CLSTN2: variants seen among roughly 807,000 people sequenced by gnomAD.
CLSTN2 encodes calsyntenin 2.
In CLSTN2, 48 loss-of-function variants were observed where a neutral mutation model predicts 101.2. The ratio of observed to expected loss-of-function variants is 0.47; its 90% CI spans 0.38 to 0.60. The LOEUF (loss-of-function observed/expected upper bound fraction) is 0.60. Ranked by LOEUF, CLSTN2 falls within the 20% of genes least tolerant of loss-of-function variation. The pLI, the probability that CLSTN2 is intolerant of heterozygous loss-of-function variation, is 0.00. For synonymous variants in CLSTN2, 481 were observed against 463.6 expected (o/e 1.04, Z -0.48); for missense variants, 1,160 against 1,238.2 (o/e 0.94, Z 0.95).
At chr3:139,940,149 G>T (rs1353779801) in intron 1 of CLSTN2, among the ~76,000 whole-genome samples, 1 of 152,204 alleles carries the variant, frequency 6.6e-6, no homozygotes, top group Non-Finnish European at 1.5e-5. Context: ...GGTATCTCCA[G>T]AGCCTTGCCT....
At chr3:140,429,656 A>G (rs140233793) in intron 5 of CLSTN2, among the ~76,000 whole-genome samples, 320 of 152,282 alleles carry the variant, frequency 2.1e-3, no homozygotes, top group African/African-American at 7.3e-3. Context: ...TCGGCAAACC[A>G]CATAGATGTT....
intron 1 of CLSTN2, among the ~76,000 whole-genome samples, chr3:139,994,643 C>T (rs1488802837): frequency 6.6e-6 from 1 of 152,182 alleles, no homozygotes; most frequent in East Asian, 1.9e-4. Flanking sequence ...CCCTTTGTTT[C>T]TCCCTTGATA....
intron 2 of CLSTN2, among the ~76,000 whole-genome samples, chr3:140,229,887 C>T (rs559736370): frequency 9.2e-5 from 14 of 152,302 alleles, no homozygotes; most frequent in South Asian, 2.1e-4. Context: ...TAGCTTTTCT[C>T]ATACTCACAG....
At chr3:139,972,106 A>C (rs1935716453) in intron 1 of CLSTN2, among the ~76,000 whole-genome samples, 1 of 152,132 alleles carries the variant, frequency 6.6e-6, no homozygotes, top group Non-Finnish European at 1.5e-5. Flanking sequence ...TCTACTAAAA[A>C]TACAAAAATT....
chr3:140,347,650 G>T (rs541742118), intron 2 of CLSTN2, among the ~76,000 whole-genome samples: 14 of 152,280 alleles, frequency 9.2e-5, no homozygotes, highest in Admixed American at 2.6e-4. Flanking sequence ...GGTAGTACTT[G>T]CTTTCCCCTC....
chr3:140,305,158 A>G (rs995107227), intron 2 of CLSTN2, among the ~76,000 whole-genome samples: 2 of 150,912 alleles, frequency 1.3e-5, no homozygotes, highest in Admixed American at 6.6e-5. Flanking sequence ...TGTAGCCTCC[A>G]CTCCGTGCTG....
At chr3:140,412,551 A>T (rs190134819) in intron 4 of CLSTN2, among the ~76,000 whole-genome samples, 2 of 152,330 alleles carry the variant, frequency 1.3e-5, no homozygotes, top group Admixed American at 1.3e-4. Flanking sequence ...GAGAACTGGA[A>T]GCTGTGTTAA....
chr3:140,545,530 T>C (rs1935568727), intron 9 of CLSTN2, among the ~76,000 whole-genome samples: 1 of 152,170 alleles, frequency 6.6e-6, no homozygotes, highest in Admixed American at 6.5e-5. Flanking sequence ...TTTCTATGCG[T>C]TGTTCTTCTT....
intron 1 of CLSTN2, among the ~76,000 whole-genome samples, chr3:140,101,242 C>A (rs1465861169): frequency 6.6e-6 from 1 of 152,242 alleles, no homozygotes; most frequent in East Asian, 1.9e-4. Context: ...CTTTTCCCTA[C>A]CCTCCAGTGG....
intron 2 of CLSTN2, among the ~76,000 whole-genome samples, chr3:140,241,041 T>A (rs575044765): frequency 7.9e-5 from 12 of 152,154 alleles, no homozygotes; most frequent in Admixed American, 1.3e-4. Context: ...AAAATGATAA[T>A]GCATGAAGTC....
At chr3:140,102,837 G>T (rs1449361623) in intron 1 of CLSTN2, among the ~76,000 whole-genome samples, 1 of 152,126 alleles carries the variant, frequency 6.6e-6, no homozygotes, top group African/African-American at 2.4e-5. Context: ...AGGTCAAGAG[G>T]TCCAATACTC....
At chr3:140,188,286 T>A (rs2010510508) in intron 2 of CLSTN2, among the ~76,000 whole-genome samples, 1 of 152,120 alleles carries the variant, frequency 6.6e-6, no homozygotes, top group African/African-American at 2.4e-5. Context: ...CAATGTCTGC[T>A]CCCCCTACCA....
chr3:140,023,083 T>A (rs566792948), intron 1 of CLSTN2, among the ~76,000 whole-genome samples: 31 of 152,308 alleles, frequency 2.0e-4, no homozygotes, highest in Non-Finnish European at 3.5e-4. Flanking sequence ...TCACTGGTTA[T>A]CCTGCCTGGC....
At chr3:140,323,602 T>C (rs939557245) in intron 2 of CLSTN2, among the ~76,000 whole-genome samples, 17 of 152,190 alleles carry the variant, frequency 1.1e-4, no homozygotes, top group African/African-American at 4.1e-4. Flanking sequence ...TCCTCTGATA[T>C]TCAGTCTCTT....
At position 140,566,879 on chromosome 3, in the gene CLSTN2, T is replaced by C. The variant is rs1360976489; in HGVS notation, c.*626T>C. ...TTCCCCTTGCTTCTTTCTGAGGCCA[T>C]ATAAGCTTATAAGAAAAGTCCCAAA... On this transcript the variant is annotated 3_prime_UTR_variant, in exon 17 of 17. Coordinates refer to ENST00000458420, the MANE Select transcript of CLSTN2 (RefSeq NM_022131.3). The C allele has an allele frequency of 6.5e-6, 1 of 153,072 alleles. No homozygotes were observed. Among genetic ancestry groups the C allele is most frequent in the Non-Finnish European group, 1.5e-5 (1 of 68,768 alleles). The allele number at this position is 153,072 out of a possible 1,614,324, so 9.5% of individuals were successfully genotyped here.
At chr3:139,949,376 C>A (rs1292117686) in intron 1 of CLSTN2, among the ~76,000 whole-genome samples, 2 of 152,150 alleles carry the variant, frequency 1.3e-5, no homozygotes, top group Non-Finnish European at 2.9e-5. Flanking sequence ...CTTTCTCCTT[C>A]ATTCCCTGGG....
chr3:140,427,240 T>TAC (rs1559866802), intron 5 of CLSTN2, among the ~76,000 whole-genome samples: 107 of 123,134 alleles, frequency 8.7e-4, no homozygotes, highest in East Asian at 1.0e-3. Context: ...TATATATATA[T>TAC]ATATACATAT....
chr3:140,047,669 C>T (rs752796971), intron 1 of CLSTN2, among the ~76,000 whole-genome samples: 1 of 152,316 alleles, frequency 6.6e-6, no homozygotes, highest in Admixed American at 6.5e-5. Context: ...TGGGGACTCT[C>T]TGTGGAGTCC....
At chr3:140,316,544 T>G (rs1445516902) in intron 2 of CLSTN2, among the ~76,000 whole-genome samples, 3 of 152,318 alleles carry the variant, frequency 2.0e-5, no homozygotes, top group Middle Eastern at 3.4e-3. Context: ...TTGGTGTCTG[T>G]GTCATTGTTT....
Sources: allele counts gnomAD v4.1 joint callset (sites outside exome capture counted in the v4.1 genomes callset), GRCh38; gene constraint gnomAD v4.1.1; transcripts MANE v1.5; gene names NCBI Gene and HGNC (gene_info 2026-07-23, HGNC 2026-07-21).